The following COL4A4 variants were observed in gnomAD, a reference collection of about 807,000 sequenced individuals.
COL4A4 encodes collagen type IV alpha 4 chain, also known as collagen alpha-4(IV) chain.
In COL4A4, 105 loss-of-function variants were observed where a neutral mutation model predicts 192.9. That is an observed-to-expected ratio of 0.54 (90% CI 0.46 to 0.64). The LOEUF (loss-of-function observed/expected upper bound fraction) is 0.64. Ranked by LOEUF, COL4A4 falls within the 30% of genes least tolerant of loss-of-function variation. COL4A4 has a pLI of 0.00. For missense variants in COL4A4, 1,967 were observed against 2,169.3 expected, an observed-to-expected ratio of 0.91 and a Z score of 1.85; for synonymous variants, 762 against 769.9, an observed-to-expected ratio of 0.99 and a Z score of 0.17.
chr2:227,101,282 A>C (rs537407938), intron 17 of COL4A4, among the ~76,000 whole-genome samples: 1 of 152,280 alleles, frequency 6.6e-6, no homozygotes, highest in Admixed American at 6.5e-5. Context: ...TGGAACTGTA[A>C]GTCCATTTAA....
the COL4A4 span, among the ~76,000 whole-genome samples, chr2:226,967,920 G>C: frequency 6.6e-6 from 1 of 152,038 alleles, no homozygotes; most frequent in South Asian, 2.1e-4. Flanking sequence ...GTAACCTGTT[G>C]GTAGGTGACA....
rs1266960642 is a variant in COL4A4, at chr2:227,054,839, A to G, written c.2717-102T>C. The G allele has an allele frequency of 9.2e-6, 12 of 1,298,562 alleles. No homozygotes were observed. The East Asian group carries it at 2.8e-4, about 30-fold the overall frequency. The allele number at this position is 1,298,562 out of a possible 1,614,324, so 80.4% of individuals were successfully genotyped here. A position where few individuals can be genotyped will look rare whatever the true frequency, so the allele number is the denominator to read the frequency against. On this transcript the variant is annotated intron_variant, in intron 30 of 47. Transcript: ENST00000396625. ...GAGTCTCACTCTGTCACCCAGGCTG[A>G]AGTGCAGTGGCACGATCTCGGCTCA...
At chr2:227,029,034 A>T (rs898245555) in intron 41 of COL4A4, among the ~76,000 whole-genome samples, 1 of 152,154 alleles carries the variant, frequency 6.6e-6, no homozygotes, top group Admixed American at 6.5e-5. Flanking sequence ...TGCCTAAGAG[A>T]TATTTGTCAC....
chr2:227,139,112 C>T (rs371315734), intron 4 of COL4A4, among the ~76,000 whole-genome samples: 9 of 152,320 alleles, frequency 5.9e-5, no homozygotes, highest in Admixed American at 3.3e-4. Flanking sequence ...AGGACTCTTT[C>T]TCTCCACCAT....
chr2:227,125,239 G>A (rs192981543), intron 4 of COL4A4, among the ~76,000 whole-genome samples: 37 of 150,964 alleles, frequency 2.5e-4, no homozygotes, highest in African/African-American at 9.0e-4. Context: ...ATGGAGTCTC[G>A]CTCTTTCTCC....
downstream of COL4A4, among the ~76,000 whole-genome samples, chr2:227,000,793 G>A (rs1465756866): frequency 6.6e-6 from 1 of 151,818 alleles, no homozygotes; most frequent in Admixed American, 6.6e-5. Context: ...TCGGTGGGAG[G>A]TCTCATGGAA....
At chr2:227,039,373 G>A (rs1471251256) in intron 37 of COL4A4, among the ~76,000 whole-genome samples, 1 of 152,124 alleles carries the variant, frequency 6.6e-6, no homozygotes, top group Non-Finnish European at 1.5e-5. Flanking sequence ...TTCGCTATAT[G>A]TTGGCCAGGC....
At chr2:226,991,475 C>T in the COL4A4 span, among the ~76,000 whole-genome samples, 1 of 152,190 alleles carries the variant, frequency 6.6e-6, no homozygotes, top group Non-Finnish European at 1.5e-5. Context: ...CCACCATGCC[C>T]AGCCCATTTT....
At position 227,111,765 on chromosome 2, in the gene COL4A4, G is replaced by A. The variant is rs780481977; in HGVS notation, c.559-52C>T. 30 of 1,561,744 alleles carry A rather than the reference G, an allele frequency of 1.9e-5. No homozygotes were observed. In the South Asian group the frequency reaches 3.2e-4, roughly 17 times the overall value. ...AAGTCCACACAATGTTCCTAAAACA[G>A]AGATTATGTAAAAATAGAAATATAC... On this transcript the variant is annotated intron_variant, in intron 8 of 47. Coordinates refer to ENST00000396625, the MANE Select transcript of COL4A4 (RefSeq NM_000092.5).
In COL4A4 at chr2:227,042,144, T is replaced by C. The variant is rs748901145; in HGVS notation, c.3505+4A>G. ...CTTGTGGGATGGGCTTCATTTTGAC[T>C]TACCTTTTATTCCCGGAGGACCTGG... On this transcript the variant is annotated splice_donor_region_variant and intron_variant, in intron 37 of 47. Coordinates refer to ENST00000396625, the MANE Select transcript of COL4A4 (RefSeq NM_000092.5). 7.0e-6 allele frequency: 11 copies of C among 1,575,730 alleles called. No homozygotes were observed. The highest frequency in any genetic ancestry group is 9.6e-6 in the Non-Finnish European group (11 of 1,145,224).
chr2:226,996,719 G>A, the COL4A4 span: 1 of 152,204 alleles, frequency 6.6e-6, no homozygotes, highest in Non-Finnish European at 1.5e-5. Context: ...TTTGGGAGTG[G>A]AGTACATGGG....
chr2:227,128,635 T>C (rs1394028913), intron 4 of COL4A4, among the ~76,000 whole-genome samples: 1 of 152,144 alleles, frequency 6.6e-6, no homozygotes. Flanking sequence ...TCATTCTCCA[T>C]GTCCTTCTCA....
intron 9 of COL4A4, among the ~76,000 whole-genome samples, chr2:227,110,705 T>C (rs1330733502): frequency 9.6e-6 from 1 of 104,312 alleles, no homozygotes; most frequent in East Asian, 3.3e-4. Flanking sequence ...TTTTTTGAGA[T>C]GGAGTTTCAG....
At chr2:226,984,237 C>T in the COL4A4 span, among the ~76,000 whole-genome samples, 1 of 152,220 alleles carries the variant, frequency 6.6e-6, no homozygotes, top group African/African-American at 2.4e-5. Flanking sequence ...TCAGTTTAGG[C>T]CACCTTAACA....
Position 227,102,654 on chromosome 2 carries a change from T to C in COL4A4, c.930+135A>G, listed in dbSNP as rs2060589088. 4 of 772,836 alleles carry C rather than the reference T, an allele frequency of 5.2e-6. No individual in the cohort carries two copies. The Admixed American group carries it at 5.8e-5, about 11-fold the overall frequency. The allele number at this position is 772,836 out of a possible 1,614,324, so 47.9% of individuals were successfully genotyped here. A position where few individuals can be genotyped will look rare whatever the true frequency, so the allele number is the denominator to read the frequency against. On this transcript the variant is annotated intron_variant, in intron 15 of 47. Coordinates refer to ENST00000396625, the MANE Select transcript of COL4A4 (RefSeq NM_000092.5). ...CTGGGATATTTAGATATTCCATAAT[T>C]CTCGTCCAAAATGTTTTGTTCTTAC...
chr2:226,991,490 A>G, the COL4A4 span, among the ~76,000 whole-genome samples: 6 of 152,198 alleles, frequency 3.9e-5, no homozygotes, highest in Non-Finnish European at 8.8e-5. Context: ...CATTTTGTAT[A>G]TCTCTTATAC....
chr2:226,988,821 GGCTGAC>G, the COL4A4 span: 2 of 584,782 alleles, frequency 3.4e-6, no homozygotes, highest in Non-Finnish European at 4.3e-6. Context: ...TAACTACCAA[GGCTGAC>G]TTTTGCAGCT....
chr2:227,095,322 T>C (rs1458365460), intron 19 of COL4A4, among the ~76,000 whole-genome samples: 1 of 152,214 alleles, frequency 6.6e-6, no homozygotes, highest in Non-Finnish European at 1.5e-5. Flanking sequence ...TGGGGAAGGA[T>C]GGAGGTACCA....
the COL4A4 span, among the ~76,000 whole-genome samples, chr2:226,982,393 G>A: frequency 3.9e-5 from 6 of 152,292 alleles, no homozygotes; most frequent in East Asian, 1.9e-4. Context: ...TTGTAATTAT[G>A]CATTGATATT....
Sources: gnomAD v4.1 joint callset for allele counts (sites outside exome capture counted in the v4.1 genomes callset) on GRCh38, gnomAD v4.1.1 for gene constraint, MANE v1.5 for transcripts, NCBI Gene and HGNC (gene_info 2026-07-23, HGNC 2026-07-21) for gene names.